The following GPHN variants were observed in gnomAD, a reference collection of about 807,000 sequenced individuals.
GPHN encodes the protein gephyrin.
In GPHN, 17 loss-of-function variants were observed where a neutral mutation model predicts 95.5. The ratio of observed to expected loss-of-function variants is 0.18; its 90% CI spans 0.12 to 0.27. GPHN has a LOEUF of 0.27. GPHN is among the 10% of genes least tolerant of loss of function. The pLI, the probability that GPHN is intolerant of heterozygous loss-of-function variation, is 1.00. For missense variants in GPHN, 660 were observed against 978.1 expected (o/e 0.67, Z 4.34); for synonymous variants, 320 against 322.5 (o/e 0.99, Z 0.08).
At chr14:67,724,543 G>A in the GPHN span, 21 of 1,613,806 alleles carry the variant, frequency 1.3e-5, no homozygotes, top group Admixed American at 5.0e-5. Flanking sequence ...GATCACTGGC[G>A]CCAACACGGG....
At chr14:67,095,372 G>A (rs1466489467) in intron 12 of GPHN, among the ~76,000 whole-genome samples, 4 of 152,126 alleles carry the variant, frequency 2.6e-5, no homozygotes, top group African/African-American at 7.2e-5. Flanking sequence ...TCAGTGTGGC[G>A]ATTCCTCAGG....
intron 2 of GPHN, among the ~76,000 whole-genome samples, chr14:66,768,287 T>A (rs1406757348): frequency 1.3e-5 from 2 of 151,912 alleles, no homozygotes; most frequent in Non-Finnish European, 2.9e-5. Context: ...TTTAAAATTA[T>A]TTATCCTAAT....
At chr14:66,949,015 G>T (rs1379134868) in intron 8 of GPHN, among the ~76,000 whole-genome samples, 1 of 152,194 alleles carries the variant, frequency 6.6e-6, no homozygotes, top group African/African-American at 2.4e-5. Context: ...GAAGCTCTGA[G>T]AAGACATGTG....
At chr14:66,836,864 CAG>C (rs2061846801) in intron 4 of GPHN, among the ~76,000 whole-genome samples, 1 of 151,824 alleles carries the variant, frequency 6.6e-6, no homozygotes, top group South Asian at 2.1e-4. Context: ...CACTGGCCAT[CAG>C]AGAAATGCAA....
At chr14:66,845,658 T>C (rs1310520262) in intron 4 of GPHN, among the ~76,000 whole-genome samples, 3 of 152,066 alleles carry the variant, frequency 2.0e-5, no homozygotes, top group Non-Finnish European at 4.4e-5. Flanking sequence ...GAACCAGCAA[T>C]GGGAACAGGA....
the GPHN span, chr14:67,382,306 C>A: frequency 1.6e-6 from 1 of 631,626 alleles, no homozygotes; most frequent in Non-Finnish European, 2.6e-6. Flanking sequence ...TCTGTAGGAC[C>A]CTAAATTACT....
chr14:67,063,847 T>G (rs1711924236), intron 11 of GPHN, among the ~76,000 whole-genome samples: 1 of 152,214 alleles, frequency 6.6e-6, no homozygotes, highest in South Asian at 2.1e-4. Flanking sequence ...ACGATGGAGT[T>G]TTCTAAATAG....
intron 18 of GPHN, among the ~76,000 whole-genome samples, chr14:67,153,876 T>A (rs916602154): frequency 6.6e-6 from 1 of 152,158 alleles, no homozygotes; most frequent in Non-Finnish European, 1.5e-5. Flanking sequence ...AACAAAAATA[T>A]AAGAACAATG....
At chr14:67,396,707 C>T in the GPHN span, among the ~76,000 whole-genome samples, 1 of 152,240 alleles carries the variant, frequency 6.6e-6, no homozygotes, top group Non-Finnish European at 1.5e-5. Context: ...ATTCCTGAAG[C>T]GTTGCCTGAC....
chr14:67,617,907 A>G, the GPHN span, among the ~76,000 whole-genome samples: 1 of 152,100 alleles, frequency 6.6e-6, no homozygotes, highest in Non-Finnish European at 1.5e-5. Flanking sequence ...TAGGAGAGAC[A>G]GGAGTTTCTC....
the GPHN span, chr14:67,199,901 CAGG>C: frequency 6.8e-7 from 1 of 1,480,880 alleles, no homozygotes; most frequent in East Asian, 2.3e-5. Context: ...GCAGGAACCC[CAGG>C]GGCAGGACAT....
At chr14:67,298,527 A>C in the GPHN span, among the ~76,000 whole-genome samples, 1 of 152,022 alleles carries the variant, frequency 6.6e-6, no homozygotes, top group South Asian at 2.1e-4. Context: ...AAAAAAAAAA[A>C]AATACTATTA....
Position 66,528,271 on chromosome 14 carries a change from A to G in GPHN, c.64+19680A>G, listed in dbSNP as rs2058771082. 2.6e-5 allele frequency among the ~76,000 whole-genome samples: 4 copies of G among 152,146 alleles called. No individual in the cohort carries two copies. The South Asian group carries it at 8.3e-4, about 32-fold the overall frequency. On this transcript the variant is annotated intron_variant, in intron 1 of 22. Coordinates refer to ENST00000478722, the MANE Select transcript of GPHN (RefSeq NM_020806.5). Reference sequence around the variant, plus strand: ...TTGGCTTAAAGTCTGTTTTATCAGAAACTAGGATTGCCACTTCTGCTTTTT... The same window carrying G: ...TTGGCTTAAAGTCTGTTTTATCAGAGACTAGGATTGCCACTTCTGCTTTTT...
chr14:66,579,919 C>G (rs1197528759), intron 1 of GPHN, among the ~76,000 whole-genome samples: 3 of 151,820 alleles, frequency 2.0e-5, no homozygotes, highest in Non-Finnish European at 4.4e-5. Context: ...CATTGGAACA[C>G]ACATCCTTCT....
the GPHN span, among the ~76,000 whole-genome samples, chr14:67,316,026 T>TC: frequency 3.3e-5 from 5 of 152,342 alleles, no homozygotes; most frequent in East Asian, 9.6e-4. Context: ...CTACAGATTA[T>TC]CCCCACCTAT....
chr14:66,885,737 T>A (rs532977351), intron 5 of GPHN, among the ~76,000 whole-genome samples: 10 of 151,472 alleles, frequency 6.6e-5, no homozygotes, highest in Non-Finnish European at 1.5e-4. Flanking sequence ...ATTTAGAAAG[T>A]CACTATGCAT....
intron 1 of GPHN, among the ~76,000 whole-genome samples, chr14:66,673,714 T>G (rs538125234): frequency 6.6e-6 from 1 of 152,374 alleles, no homozygotes; most frequent in South Asian, 2.1e-4. Context: ...AGATCTCAGT[T>G]TCTGACTGAT....
chr14:67,375,604 C>T, the GPHN span, among the ~76,000 whole-genome samples: 1 of 151,578 alleles, frequency 6.6e-6, no homozygotes, highest in Non-Finnish European at 1.5e-5. Flanking sequence ...AAATAAAGGT[C>T]TAAAAGCCAT....
intron 7 of GPHN, 50 bp from the exon 8 acceptor site, chr14:66,924,144 T>G (rs770439306): frequency 6.0e-6 from 6 of 1,005,488 alleles, no homozygotes; most frequent in Non-Finnish European, 9.6e-6. Context: ...CTTGTATAGT[T>G]TCATGTTTTC....
Sources: gnomAD v4.1 joint callset for allele counts (sites outside exome capture counted in the v4.1 genomes callset) on GRCh38, gnomAD v4.1.1 for gene constraint, MANE v1.5 for transcripts, NCBI Gene and HGNC (gene_info 2026-07-23, HGNC 2026-07-21) for gene names.